The following BCL6 variants were observed in gnomAD, a reference collection of about 807,000 sequenced individuals.
The protein encoded by BCL6 is BCL6 transcription repressor.
Under a neutral mutation model 59.5 loss-of-function variants are expected in BCL6, and 7 were observed. The observed-to-expected ratio is 0.12, with a 90% confidence interval of 0.07 to 0.22. The LOEUF is 0.22. Among genes scored for constraint, BCL6 ranks in the 10% least tolerant of loss-of-function variants. The probability of loss-of-function intolerance (pLI) is 1.00; values close to 1 mark genes in which losing one functional copy is unlikely to be tolerated. For synonymous variants in BCL6, 339 were observed against 349.7 expected, an observed-to-expected ratio of 0.97 and a Z score of 0.34; for missense variants, 685 against 939.4, an observed-to-expected ratio of 0.73 and a Z score of 3.54.
At chr3:187,744,348 C>T (rs572823791) in intron 1 of BCL6, among the ~76,000 whole-genome samples, 26 of 152,102 alleles carry the variant, frequency 1.7e-4, no homozygotes, top group African/African-American at 6.3e-4. Context: ...AGCCCTGTCC[C>T]GCCATCAGTC....
intron 1 of BCL6, among the ~76,000 whole-genome samples, chr3:187,744,036 T>C (rs1711743283): frequency 6.6e-6 from 1 of 152,084 alleles, no homozygotes; most frequent in Admixed American, 6.5e-5. Flanking sequence ...GTCTTTCTCC[T>C]CGCCCAAGGT....
intron 5 of BCL6, among the ~76,000 whole-genome samples, 173 bp downstream of exon 5, chr3:187,728,877 A>G (rs1718867342): frequency 6.6e-6 from 1 of 152,202 alleles, no homozygotes; most frequent in Non-Finnish European, 1.5e-5. Context: ...CTTGCTATGA[A>G]AAAATATACA....
At chr3:187,727,993 A>G (rs1358937867) in intron 6 of BCL6, among the ~76,000 whole-genome samples, 2 of 152,222 alleles carry the variant, frequency 1.3e-5, no homozygotes, top group Non-Finnish European at 2.9e-5. Context: ...TACAGAATGT[A>G]CAGCCTGGCA....
At chr3:187,742,702 T>G (rs1036213959) in intron 1 of BCL6, among the ~76,000 whole-genome samples, 1 of 152,076 alleles carries the variant, frequency 6.6e-6, no homozygotes, top group African/African-American at 2.4e-5. Flanking sequence ...AGGTTTCTAT[T>G]TTGGCCTGAA....
At chr3:187,742,977 T>C (rs1370215105) in intron 1 of BCL6, among the ~76,000 whole-genome samples, 1 of 151,868 alleles carries the variant, frequency 6.6e-6, no homozygotes, top group East Asian at 1.9e-4. Context: ...TAGTAAATAG[T>C]GAGCAAAATA....
intron 1 of BCL6, among the ~76,000 whole-genome samples, 188 bp downstream of exon 1, chr3:187,745,222 A>C (rs558221950): frequency 1.3e-5 from 2 of 152,318 alleles, no homozygotes; most frequent in African/African-American, 2.4e-5. Flanking sequence ...GAATAAATAA[A>C]TATATACATT....
chr3:187,745,150 T>C (rs1576886404), intron 1 of BCL6, among the ~76,000 whole-genome samples: 5 of 152,144 alleles, frequency 3.3e-5, no homozygotes, highest in Middle Eastern at 3.4e-3. Context: ...TAACAATCTA[T>C]ATCCTATGGT....
intron 1 of BCL6, among the ~76,000 whole-genome samples, chr3:187,744,265 G>C (rs1711761794): frequency 6.6e-6 from 1 of 152,110 alleles, no homozygotes; most frequent in East Asian, 1.9e-4. Context: ...TCCTGTCGAG[G>C]TTCCCTGAGT....
At chr3:187,733,238 G>T (rs957895587) in intron 3 of BCL6, among the ~76,000 whole-genome samples, 2 of 151,936 alleles carry the variant, frequency 1.3e-5, no homozygotes, top group Non-Finnish European at 2.9e-5. Flanking sequence ...TTTTTCACTG[G>T]TTAACTGAAG....
In BCL6 at chr3:187,726,798, C is replaced by T. The variant is rs776890656; in HGVS notation, c.1641G>A (p.Lys547=). The change falls in exon 7 of 10, where the codon AAG becomes AAA. Residue 547 remains lysine (K), a synonymous_variant. Coordinates refer to ENST00000406870, the MANE Select transcript of BCL6 (RefSeq NM_001706.5). Reference sequence around the variant, plus strand: ...GGAAGGAGGCCTGGCAGCGGTCACACTTGTAGGGTTTGTCACTGTGGGTCT... The same window carrying T: ...GGAAGGAGGCCTGGCAGCGGTCACATTTGTAGGGTTTGTCACTGTGGGTCT... ...TLQTHSDKPY[K]CDRCQASFRY... The T allele has an allele frequency of 1.9e-6, 3 of 1,614,098 alleles. No homozygotes were observed. The highest frequency in any genetic ancestry group is 2.5e-6 in the Non-Finnish European group (3 of 1,180,048).
Position 187,722,272 on chromosome 3 carries a change from A to G in BCL6, c.*186T>C. Reference sequence around the variant, plus strand: ...TCTTAATGTTTTATGGCAGTGGGGGAGGGGGAGCTGCTGCGGCTCCCAGTC... The same window carrying G: ...TCTTAATGTTTTATGGCAGTGGGGGGGGGGGAGCTGCTGCGGCTCCCAGTC... On this transcript the variant is annotated 3_prime_UTR_variant, in exon 10 of 10. Coordinates refer to ENST00000406870, the MANE Select transcript of BCL6 (RefSeq NM_001706.5). The G allele has an allele frequency of 3.5e-6, 2 of 577,672 alleles. No homozygotes were observed. The highest frequency in any genetic ancestry group is 3.2e-5 in the South Asian group (1 of 31,722). The allele number at this position is 577,672 out of a possible 1,614,324, so 35.8% of individuals were successfully genotyped here. A position where few individuals can be genotyped will look rare whatever the true frequency, so the allele number is the denominator to read the frequency against.
At chr3:187,743,520 T>A (rs1711697852) in intron 1 of BCL6, among the ~76,000 whole-genome samples, 1 of 151,172 alleles carries the variant, frequency 6.6e-6, no homozygotes, top group Non-Finnish European at 1.5e-5. Context: ...ACACAGAGGG[T>A]CTTTTTTCAT....
At chr3:187,743,439 T>C (rs1275663506) in intron 1 of BCL6, among the ~76,000 whole-genome samples, 1 of 152,058 alleles carries the variant, frequency 6.6e-6, no homozygotes, top group Non-Finnish European at 1.5e-5. Flanking sequence ...GGGTCATTTA[T>C]CTGCTCAACT....
At chr3:187,744,156 G>T in intron 1 of BCL6, among the ~76,000 whole-genome samples, 1 of 152,112 alleles carries the variant, frequency 6.6e-6, no homozygotes, top group East Asian at 1.9e-4. Flanking sequence ...GGAAAGGGAG[G>T]CAACAGCCAT....
intron 6 of BCL6, 132 bp downstream of exon 6, chr3:187,728,228 G>A: frequency 1.1e-6 from 1 of 950,418 alleles, no homozygotes; most frequent in Non-Finnish European, 1.5e-6. Flanking sequence ...TGGTGACTTG[G>A]AGTGCCAGTG....
chr3:187,744,993 G>C (rs936666348), intron 1 of BCL6, among the ~76,000 whole-genome samples: 1 of 151,442 alleles, frequency 6.6e-6, no homozygotes, highest in Admixed American at 6.6e-5. Context: ...GCACTGTCTC[G>C]TCCTCTCTGC....
chr3:187,740,225 C>A (rs888994770), intron 1 of BCL6, among the ~76,000 whole-genome samples: 14 of 152,248 alleles, frequency 9.2e-5, no homozygotes, highest in Middle Eastern at 3.4e-3. Context: ...ATGACCCCCA[C>A]CCCCTCACAC....
intron 9 of BCL6, 66 bp from the exon 10 acceptor site, chr3:187,722,667 A>C (rs534648795): frequency 1.3e-6 from 2 of 1,564,738 alleles, no homozygotes; most frequent in South Asian, 2.4e-5. Flanking sequence ...TTGCTCAAAG[A>C]CCCAGAGAGG....
At chr3:187,736,903 T>C (rs952080136) in intron 1 of BCL6, 1 of 152,180 alleles carries the variant, frequency 6.6e-6, no homozygotes, top group African/African-American at 2.4e-5. Context: ...CATCTTATCC[T>C]TATAACAGCC....
Sources: allele counts gnomAD v4.1 joint callset (sites outside exome capture counted in the v4.1 genomes callset), GRCh38; gene constraint gnomAD v4.1.1; transcripts MANE v1.5; gene names NCBI Gene and HGNC (gene_info 2026-07-23, HGNC 2026-07-21).